FAS: variants seen among roughly 807,000 people sequenced by gnomAD.
The protein encoded by FAS is Fas cell surface death receptor, also known as tumor necrosis factor receptor superfamily member 6.
FAS carries 5 observed loss-of-function variants against 33.2 expected under a neutral mutation model. The observed-to-expected ratio is 0.15, with a 90% CI of 0.08 to 0.32. FAS has a LOEUF of 0.32. Among genes scored for constraint, FAS ranks in the 10% least tolerant of loss-of-function variants. FAS has a pLI of 1.00. For missense variants in FAS, 339 were observed against 386.0 expected, an observed-to-expected ratio of 0.88 and a Z score of 1.02; for synonymous variants, 131 against 130.7, an observed-to-expected ratio of 1.00 and a Z score of -0.01.
intron 1 of FAS, among the ~76,000 whole-genome samples, chr10:88,998,643 A>T (rs886727413): frequency 1.3e-5 from 2 of 152,170 alleles, no homozygotes; most frequent in Non-Finnish European, 2.9e-5. Flanking sequence ...TTAGCCCATG[A>T]CAGTCCTGAA....
At chr10:88,973,505 T>A in intron 2 of FAS, 1 of 579,148 alleles carries the variant, frequency 1.7e-6, no homozygotes, top group Non-Finnish European at 2.6e-6. Flanking sequence ...CTCATGGATG[T>A]GAGGCCAGGT....
chr10:89,014,154 G>C lies in FAS; in HGVS notation c.712G>C (p.Gly238Arg), dbSNP rs1318397828. The C allele has an allele frequency of 6.2e-7, 1 of 1,613,730 alleles. No homozygotes were observed. The highest frequency in any genetic ancestry group is 1.7e-5 in the Admixed American group (1 of 60,016). ...GAGTAAATATATCACCACTATTGCT[G>C]GAGTCATGACACTAAGTCAAGTTAA... Reference protein sequence around the residue: ...DLSKYITTIAGVMTLSQVKGF... With the variant: ...DLSKYITTIARVMTLSQVKGF... Residue 238 changes from glycine to arginine, a missense_variant, in exon 9 of 9, where the codon GGA becomes CGA. Gly to Arg is a moderately radical substitution (Grantham distance 125, BLOSUM62 -2). This residue lies in a region of FAS where 276 missense variants were observed against 300.1 expected (regional missense o/e 0.92). Transcript: ENST00000652046.
At chr10:89,011,961 C>T (rs773525835) in intron 6 of FAS, 38 bp from the exon 7 acceptor site, 15 of 1,545,520 alleles carry the variant, frequency 9.7e-6, no homozygotes, top group African/African-American at 1.4e-5. Context: ...TTCTACAAGG[C>T]TGAGACCTGA....
chr10:88,993,651 G>C (rs1229415894), intron 1 of FAS, among the ~76,000 whole-genome samples: 1 of 152,080 alleles, frequency 6.6e-6, no homozygotes, highest in Non-Finnish European at 1.5e-5. Context: ...TAGTTTTGTG[G>C]GGAAAATAAA....
intron 1 of FAS, among the ~76,000 whole-genome samples, chr10:88,993,990 A>G (rs932864083): frequency 6.6e-6 from 1 of 152,252 alleles, no homozygotes; most frequent in Non-Finnish European, 1.5e-5. Flanking sequence ...ACTACCAGCT[A>G]TAGTTAGACT....
chr10:89,010,790 T>C lies in FAS; in HGVS notation c.543T>C (p.Leu181=), dbSNP rs563648477. 9.9e-6 allele frequency: 16 copies of C among 1,614,082 alleles called. No homozygotes were observed. In the South Asian group the frequency reaches 1.5e-4, roughly 16 times the overall value. The change falls in exon 6 of 9, where the codon CTT becomes CTC. Residue 181 remains leucine (L), a synonymous_variant. Coordinates refer to ENST00000652046, the MANE Select transcript of FAS (RefSeq NM_000043.6). ...RSNLGWLCLL[L]LPIPLIVWVK... is the part of the protein sequence containing the mutation. ...ACTTGGGGTGGCTTTGTCTTCTTCTTTTGCCAATTCCACTAATTGTTTGGG... is the reference window on the plus strand; with the variant it reads ...ACTTGGGGTGGCTTTGTCTTCTTCTCTTGCCAATTCCACTAATTGTTTGGG...
At chr10:88,993,305 A>ATT (rs59583029) in intron 1 of FAS, among the ~76,000 whole-genome samples, 81,643 of 148,780 alleles carry the variant, frequency 0.55, 22,943 homozygotes, top group African/African-American at 0.7. Flanking sequence ...TGTGGGTTGC[A>ATT]TTTTTTTTTT....
chr10:88,965,200 A>C (rs1332845826), intron 1 of FAS, among the ~76,000 whole-genome samples: 2 of 152,260 alleles, frequency 1.3e-5, no homozygotes, highest in East Asian at 3.9e-4. Flanking sequence ...ATATTTTCTC[A>C]CATTTGCAGT....
chr10:88,982,121 C>A (rs79152594), upstream of FAS, among the ~76,000 whole-genome samples: 13 of 152,192 alleles, frequency 8.5e-5, no homozygotes, highest in East Asian at 2.3e-3. Flanking sequence ...GGTTCAAACC[C>A]CAGCTCTACA....
At chr10:88,972,549 T>C (rs1846471815) in intron 1 of FAS, among the ~76,000 whole-genome samples, 1 of 152,192 alleles carries the variant, frequency 6.6e-6, no homozygotes, top group Non-Finnish European at 1.5e-5. Context: ...TTATATTGTT[T>C]AATTTTTTTT....
At chr10:88,987,758 G>A (rs940382673), upstream of FAS, among the ~76,000 whole-genome samples, 1 of 152,204 alleles carries the variant, frequency 6.6e-6, no homozygotes, top group Non-Finnish European at 1.5e-5. Context: ...CAATGCCACT[G>A]TGATGGTTAA....
chr10:88,968,981 C>T (rs1049681067), intron 1 of FAS, among the ~76,000 whole-genome samples: 6 of 152,028 alleles, frequency 3.9e-5, no homozygotes, highest in African/African-American at 1.2e-4. Flanking sequence ...CAACCCCCAC[C>T]CCGCAATACT....
At chr10:88,987,071 C>CTTT (rs1846918383), upstream of FAS, among the ~76,000 whole-genome samples, 1 of 152,178 alleles carries the variant, frequency 6.6e-6, no homozygotes, top group Admixed American at 6.5e-5. Flanking sequence ...TCCCAAGAAC[C>CTTT]CATACATATT....
At chr10:88,975,552 A>G (rs1846543526) in intron 2 of FAS, among the ~76,000 whole-genome samples, 1 of 152,158 alleles carries the variant, frequency 6.6e-6, no homozygotes, top group South Asian at 2.1e-4. Context: ...AGCAAAGGGA[A>G]CTATCAGCAA....
chr10:88,988,960 A>T (rs1257052100), upstream of FAS, among the ~76,000 whole-genome samples: 1 of 152,186 alleles, frequency 6.6e-6, no homozygotes, highest in Non-Finnish European at 1.5e-5. Context: ...GAACTTGAGG[A>T]TAATTAGACG....
Position 89,015,169 on chromosome 10 carries a change from G to T in FAS, c.*719G>T, listed in dbSNP as rs1027226761. 2 of 534,764 alleles carry T rather than the reference G, an allele frequency of 3.7e-6. No individual in the cohort carries two copies. The highest frequency in any genetic ancestry group is 7.2e-6 in the Non-Finnish European group (2 of 276,720). The allele number at this position is 534,764 out of a possible 1,614,324, so 33.1% of individuals were successfully genotyped here. ...CTTTCTCAGGCATCAAAAGCATTTT[G>T]AGCAGGAGAGTATTACTAGAGCTTT... On this transcript the variant is annotated 3_prime_UTR_variant, in exon 9 of 9. Transcript: ENST00000652046.
intron 1 of FAS, among the ~76,000 whole-genome samples, chr10:88,964,220 C>A (rs990850900): frequency 2.0e-5 from 3 of 151,822 alleles, no homozygotes; most frequent in African/African-American, 7.3e-5. Context: ...TATCTGGAAC[C>A]CCTGCAAAAA....
At chr10:89,010,675 T>C (rs1400839882) in intron 5 of FAS, 75 bp downstream of exon 5, 18 of 1,604,914 alleles carry the variant, frequency 1.1e-5, no homozygotes, top group East Asian at 2.2e-5. Flanking sequence ...CCAATCACTC[T>C]TGATTACTAG....
At chr10:88,989,595 G>C (rs1847045562), upstream of FAS, 1 of 538,374 alleles carries the variant, frequency 1.9e-6, no homozygotes, top group Admixed American at 1.9e-5. Context: ...TGCAGTGACA[G>C]ATGCAAAACA....
Sources: gnomAD v4.1 joint callset for allele counts (sites outside exome capture counted in the v4.1 genomes callset) on GRCh38, gnomAD v4.1.1 for gene constraint, gnomAD v4.1.1 regional missense constraint, MANE v1.5 for transcripts, NCBI Gene and HGNC (gene_info 2026-07-23, HGNC 2026-07-21) for gene names.